The following SFMBT1 variants were observed in gnomAD, a reference collection of about 807,000 sequenced individuals.
SFMBT1 encodes the protein Scm like with four mbt domains 1.
In SFMBT1, 32 loss-of-function variants were observed where a neutral mutation model predicts 108.7. The observed-to-expected ratio is 0.29, with a 90% CI of 0.22 to 0.40. The LOEUF (loss-of-function observed/expected upper bound fraction) is 0.40, where lower values mean the gene tolerates loss of function less well. SFMBT1 is among the 10% of genes least tolerant of loss of function. The pLI, the probability that SFMBT1 is intolerant of heterozygous loss-of-function variation, is 1.00. For synonymous variants in SFMBT1, 348 were observed against 369.5 expected, an observed-to-expected ratio of 0.94 and a Z score of 0.67; for missense variants, 816 against 1,059.6, an observed-to-expected ratio of 0.77 and a Z score of 3.19.
chr3:52,948,542 G>A (rs954528681), intron 3 of SFMBT1, among the ~76,000 whole-genome samples: 1 of 151,836 alleles, frequency 6.6e-6, no homozygotes, highest in Non-Finnish European at 1.5e-5. Flanking sequence ...TTACAATAGT[G>A]ACTCTCTCAT....
In SFMBT1 at chr3:52,913,553, T is replaced by C. The variant is rs546714061; in HGVS notation, c.1545A>G (p.Pro515=). 6.2e-7 allele frequency: 1 copy of C among 1,614,186 alleles called. No homozygotes were observed. Among genetic ancestry groups the C allele is most frequent in the Non-Finnish European group, 8.5e-7 (1 of 1,180,040 alleles). The change falls in exon 15 of 21, where the codon CCA becomes CCG. Residue 515 remains proline, a synonymous_variant. Coordinates refer to ENST00000394752, the MANE Select transcript of SFMBT1 (RefSeq NM_016329.4). The part of the protein sequence containing the change: ...IYFNHRCFSG[P]YLNKGRIAEL... ...CAGCAATTCTTCCTTTGTTAAGATA[T>C]GGCCCTGAGAAGCAACGGTGGTTGA...
intron 1 of SFMBT1, among the ~76,000 whole-genome samples, chr3:53,045,560 C>T (rs1048019100): frequency 7.0e-6 from 1 of 143,170 alleles, no homozygotes; most frequent in African/African-American, 2.5e-5. Context: ...CCCCTGCAGC[C>T]GGCCGGCCGG....
intron 2 of SFMBT1, among the ~76,000 whole-genome samples, chr3:52,956,140 G>GA (rs759531123): frequency 1.8e-4 from 27 of 152,280 alleles, no homozygotes; most frequent in Non-Finnish European, 3.2e-4. Flanking sequence ...AAAAGCCTTT[G>GA]AAAAAATTCA....
intron 17 of SFMBT1, among the ~76,000 whole-genome samples, chr3:52,908,972 A>G (rs1327580088): frequency 1.3e-5 from 2 of 152,218 alleles, no homozygotes; most frequent in African/African-American, 4.8e-5. Flanking sequence ...AAATTGTTTC[A>G]GCTATTCTAG....
intron 1 of SFMBT1, among the ~76,000 whole-genome samples, chr3:53,009,313 T>C (rs1034968845): frequency 6.6e-6 from 1 of 151,706 alleles, no homozygotes; most frequent in African/African-American, 2.4e-5. Flanking sequence ...CAGTGCATGG[T>C]GACATATGCC....
intron 1 of SFMBT1, among the ~76,000 whole-genome samples, chr3:52,976,066 A>T (rs1224445886): frequency 1.3e-5 from 2 of 152,210 alleles, no homozygotes; most frequent in Admixed American, 1.3e-4. Flanking sequence ...TGGACAATCC[A>T]GCTACATTTT....
intron 5 of SFMBT1, among the ~76,000 whole-genome samples, chr3:52,933,032 C>T (rs1386599225): frequency 2.0e-5 from 3 of 151,998 alleles, no homozygotes; most frequent in Non-Finnish European, 4.4e-5. Flanking sequence ...AAGAAAGAAC[C>T]ACAAGAAACA....
rs185370144 is a variant in SFMBT1 at position 53,037,243 on chromosome 3, G to A, written c.-131+8573C>T. Among the ~76,000 whole-genome samples, 34 of 152,276 alleles carry A rather than the reference G, an allele frequency of 2.2e-4. 1 individual carries two copies. The highest frequency in any genetic ancestry group is 2.2e-3 in the Admixed American group (34 of 15,294). On this transcript the variant is annotated intron_variant, in intron 1 of 20. Coordinates refer to ENST00000394752, the MANE Select transcript of SFMBT1 (RefSeq NM_016329.4). ...AAGGAAGACTCTCCCTAGAAGGGGA[G>A]GCCAGAAGAGACCACCCAGCCCTCT...
At chr3:53,013,198 C>T (rs1224082828) in intron 1 of SFMBT1, among the ~76,000 whole-genome samples, 1 of 151,546 alleles carries the variant, frequency 6.6e-6, no homozygotes. Flanking sequence ...GTGATGGGCT[C>T]TAAGTTGAGA....
chr3:52,933,580 TG>T (rs1702921817), intron 5 of SFMBT1, among the ~76,000 whole-genome samples: 1 of 152,136 alleles, frequency 6.6e-6, no homozygotes, highest in South Asian at 2.1e-4. Context: ...GGCAGAGTCA[TG>T]GTCAAAAAAG....
intron 1 of SFMBT1, among the ~76,000 whole-genome samples, chr3:53,024,884 A>T (rs2106948194): frequency 6.6e-6 from 1 of 152,328 alleles, no homozygotes; most frequent in South Asian, 2.1e-4. Flanking sequence ...ATGTTTTGAT[A>T]TTTAACCAAA....
In SFMBT1 at chr3:52,921,682, G is replaced by A. The variant is rs781392907; in HGVS notation, c.1258+23C>T. On this transcript the variant is annotated intron_variant, in intron 11 of 20. Coordinates refer to ENST00000394752, the MANE Select transcript of SFMBT1 (RefSeq NM_016329.4). ...CTCAAAGGAGAGTGGCCACAGGAAG[G>A]CTTCTAGAGTGCTGGCACTCACCCT... 9 of 1,609,572 alleles carry A rather than the reference G, an allele frequency of 5.6e-6. No homozygotes were observed. The African/African-American group carries it at 1.1e-4, about 19-fold the overall frequency.
At chr3:52,913,975 A>T (rs942498956) in intron 14 of SFMBT1, among the ~76,000 whole-genome samples, 3 of 152,234 alleles carry the variant, frequency 2.0e-5, no homozygotes, top group Non-Finnish European at 4.4e-5. Context: ...TTCAAAAACC[A>T]ACTTTCAATC....
intron 4 of SFMBT1, among the ~76,000 whole-genome samples, chr3:52,935,478 T>A (rs904205507): frequency 6.6e-6 from 1 of 152,226 alleles, no homozygotes; most frequent in African/African-American, 2.4e-5. Flanking sequence ...ATATTTACTA[T>A]CTTGCCCTTT....
At chr3:52,976,064 C>T (rs958730502) in intron 1 of SFMBT1, among the ~76,000 whole-genome samples, 5 of 152,072 alleles carry the variant, frequency 3.3e-5, no homozygotes, top group African/African-American at 1.2e-4. Context: ...AATGGACAAT[C>T]CAGCTACATT....
At chr3:53,028,227 G>A (rs1477190366) in intron 1 of SFMBT1, among the ~76,000 whole-genome samples, 2 of 152,106 alleles carry the variant, frequency 1.3e-5, no homozygotes, top group African/African-American at 2.4e-5. Flanking sequence ...GACTACAGGT[G>A]CACACCACCA....
chr3:52,947,524 T>A (rs376270558), intron 3 of SFMBT1, among the ~76,000 whole-genome samples: 3 of 152,194 alleles, frequency 2.0e-5, no homozygotes, highest in Non-Finnish European at 4.4e-5. Flanking sequence ...TATTTATTAG[T>A]CATTTAGATT....
chr3:52,970,714 A>AT (rs35596635), intron 1 of SFMBT1, among the ~76,000 whole-genome samples: 13,771 of 152,274 alleles, frequency 0.09, 636 homozygotes, highest in African/African-American at 0.099. Context: ...TTGAGTGTGT[A>AT]TTAGAGCCCC....
chr3:52,996,695 G>C lies in SFMBT1; in HGVS notation c.-130-27437C>G, dbSNP rs1442600124. Among the ~76,000 whole-genome samples the C allele has an allele frequency of 1.3e-5, 2 of 150,304 alleles. 1 individual carries two copies. The highest frequency in any genetic ancestry group is 3.9e-4 in the East Asian group (2 of 5,152). ...AACAATAGGAAATTTAATAAGGATG[G>C]AGAAGTGAGTCCTCATACAATGCTG... On this transcript the variant is annotated intron_variant, in intron 1 of 20. Coordinates refer to ENST00000394752, the MANE Select transcript of SFMBT1 (RefSeq NM_016329.4).
Sources: gnomAD v4.1 joint callset for allele counts (sites outside exome capture counted in the v4.1 genomes callset) on GRCh38, gnomAD v4.1.1 for gene constraint, MANE v1.5 for transcripts, NCBI Gene and HGNC (gene_info 2026-07-23, HGNC 2026-07-21) for gene names.